GOLGA3: variants seen among roughly 807,000 people sequenced by gnomAD.
GOLGA3 encodes golgin A3.
Under a neutral mutation model 169.4 loss-of-function variants are expected in GOLGA3, and 75 were observed. The ratio of observed to expected loss-of-function variants is 0.44; its 90% CI spans 0.37 to 0.54. The LOEUF is 0.54. Ranked by LOEUF, GOLGA3 falls within the 20% of genes least tolerant of loss-of-function variation. The pLI is 0.00. For synonymous variants in GOLGA3, 824 were observed against 822.4 expected, an observed-to-expected ratio of 1.00 and a Z score of -0.03; for missense variants, 1,899 against 1,930.0, an observed-to-expected ratio of 0.98 and a Z score of 0.30.
intron 3 of GOLGA3, among the ~76,000 whole-genome samples, chr12:132,813,821 T>C (rs1391273420): frequency 6.7e-6 from 1 of 150,002 alleles, no homozygotes; most frequent in Non-Finnish European, 1.5e-5. Context: ...GCCTCCCAGG[T>C]TCACACCATT....
intron 7 of GOLGA3, among the ~76,000 whole-genome samples, chr12:132,803,104 T>C (rs572236401): frequency 1.3e-5 from 2 of 151,628 alleles, no homozygotes; most frequent in East Asian, 3.9e-4. Flanking sequence ...AAAAAAACAC[T>C]AGACAGTGTT....
At chr12:132,811,146 A>T (rs1199196445) in intron 4 of GOLGA3, among the ~76,000 whole-genome samples, 1 of 151,930 alleles carries the variant, frequency 6.6e-6, no homozygotes, top group African/African-American at 2.4e-5. Context: ...CCAATAAATA[A>T]CAGCACAGCC....
At chr12:132,826,268 A>G in intron 1 of GOLGA3, 12 of 1,158,256 alleles carry the variant, frequency 1.0e-5, no homozygotes, top group Non-Finnish European at 1.4e-5. Flanking sequence ...AGAAACTGGA[A>G]GAGCAGCATC....
At chr12:132,798,529 T>C (rs1948981694) in intron 8 of GOLGA3, 52 bp from the exon 9 acceptor site, 19 of 1,552,756 alleles carry the variant, frequency 1.2e-5, no homozygotes, top group East Asian at 2.2e-5. Context: ...AAGCAAGAAA[T>C]GCAGACCAGC....
rs2044888828 is a variant in GOLGA3 at position 132,771,336 on chromosome 12, ACCT to A, written c.*1766_*1768del. The stretch of plus-strand genomic sequence containing the variant: ...CATCTGGCCTGGCCAGTGACTCAGA[ACCT>A]CATTTCAGACCAGTACATCTGCAGA... On this transcript the variant is annotated 3_prime_UTR_variant, in exon 24 of 24. Transcript: ENST00000450791. The A allele has an allele frequency of 6.6e-6, 1 of 152,566 alleles. No individual in the cohort carries two copies. Among genetic ancestry groups the A allele is most frequent in the Non-Finnish European group, 1.5e-5 (1 of 68,056 alleles). 9.5% of individuals were successfully genotyped at this position (152,566 alleles called of 1,614,324 possible).
At chr12:132,784,738 C>T (rs774485668) in intron 15 of GOLGA3, among the ~76,000 whole-genome samples, 2 of 149,228 alleles carry the variant, frequency 1.3e-5, no homozygotes, top group South Asian at 2.1e-4. Context: ...TCACACCCCA[C>T]ACGCACATGC....
intron 8 of GOLGA3, among the ~76,000 whole-genome samples, chr12:132,799,717 C>A (rs1231929681): frequency 1.3e-5 from 2 of 152,122 alleles, no homozygotes; most frequent in South Asian, 4.1e-4. Context: ...CCAGGCTACA[C>A]CACCATACTT....
At position 132,786,755 on chromosome 12, in the gene GOLGA3, C is replaced by A. The variant is rs369331427; in HGVS notation, c.2844G>T (p.Ala948=). 5 of 1,613,332 alleles carry A rather than the reference C, an allele frequency of 3.1e-6. No individual in the cohort carries two copies. In the Admixed American group the frequency reaches 8.3e-5, roughly 27 times the overall value. ...SLQFDKEQMV[A]VTEANEALKK... ...TCAGCGCCTCATTGGCCTCTGTGAC[C>A]GCGACCATCTGCTCCTTATCGAACT... The change falls in exon 14 of 24, where the codon GCG becomes GCT. Residue 948 remains alanine, a synonymous_variant. Transcript: ENST00000450791.
chr12:132,798,007 A>G (rs1948941227), intron 9 of GOLGA3, among the ~76,000 whole-genome samples: 1 of 152,152 alleles, frequency 6.6e-6, no homozygotes, highest in South Asian at 2.1e-4. Flanking sequence ...ACTGGCAATG[A>G]CTGACAGCCG....
chr12:132,808,580 A>T (rs979365795), intron 4 of GOLGA3, 31 bp from the exon 5 acceptor site: 1 of 1,526,028 alleles, frequency 6.6e-7, no homozygotes, highest in African/African-American at 1.4e-5. Context: ...CAAAAATTAC[A>T]TTTAAAATCC....
At chr12:132,789,791 T>TCAGAAATAAAATACAGCAGGCCGGGCGC (rs59943769) in intron 12 of GOLGA3, among the ~76,000 whole-genome samples, 154 of 152,150 alleles carry the variant, frequency 1.0e-3, no homozygotes, top group South Asian at 2.1e-3. Context: ...CCCAGCACTC[T>TCAGAAATAAAATACAGCAGGCCGGGCGC]GGGAGCCCGA....
intron 11 of GOLGA3, among the ~76,000 whole-genome samples, chr12:132,794,208 A>G (rs1948704355): frequency 6.6e-6 from 1 of 152,068 alleles, no homozygotes; most frequent in African/African-American, 2.4e-5. Flanking sequence ...CTGTGTCTAG[A>G]TGCCTAGGGA....
At chr12:132,812,804 C>T (rs1349235060) in intron 4 of GOLGA3, among the ~76,000 whole-genome samples, 1 of 152,208 alleles carries the variant, frequency 6.6e-6, no homozygotes, top group Non-Finnish European at 1.5e-5. Context: ...TAAGAAATTA[C>T]CACAGCCCAA....
chr12:132,781,214 TGCCCTCCACC>T (rs2045587584), intron 17 of GOLGA3, among the ~76,000 whole-genome samples: 3 of 71,142 alleles, frequency 4.2e-5, no homozygotes, highest in South Asian at 6.3e-4. Context: ...ACCACCGCAG[TGCCCTCCACC>T]GCACTGCCCT....
intron 4 of GOLGA3, among the ~76,000 whole-genome samples, chr12:132,812,837 T>C (rs952041449): frequency 2.0e-5 from 3 of 152,246 alleles, no homozygotes; most frequent in African/African-American, 4.8e-5. Context: ...ACCACCCTGA[T>C]GAGTCAGCAG....
chr12:132,791,199 C>A lies in GOLGA3; in HGVS notation c.2547+17G>T. 1.4e-6 allele frequency: 2 copies of A among 1,480,080 alleles called. No homozygotes were observed. The highest frequency in any genetic ancestry group is 1.4e-5 in the African/African-American group (1 of 71,924). 91.7% of individuals were successfully genotyped at this position (1,480,080 alleles called of 1,614,324 possible). A position where few individuals can be genotyped will look rare whatever the true frequency, so the allele number is the denominator to read the frequency against. On this transcript the variant is annotated intron_variant, in intron 12 of 23. Transcript: ENST00000450791. ...ATATGCTTGTTTCAAGTGAAGAAAT[C>A]AACAACAGATTTTTACCTTTTGTTG...
chr12:132,812,194 C>CACAA (rs1555262609), intron 4 of GOLGA3, among the ~76,000 whole-genome samples: 4 of 113,718 alleles, frequency 3.5e-5, no homozygotes, highest in Admixed American at 1.8e-4. Context: ...TCTCAAAATA[C>CACAA]ACACACACAC....
At chr12:132,791,370 G>C (rs2046223262) in intron 11 of GOLGA3, 77 bp from the exon 12 acceptor site, 1 of 763,850 alleles carries the variant, frequency 1.3e-6, no homozygotes, top group Non-Finnish European at 2.2e-6. Flanking sequence ...TTACACTGAA[G>C]CCTCCAGGAG....
intron 15 of GOLGA3, among the ~76,000 whole-genome samples, chr12:132,786,087 A>G (rs957470817): frequency 6.6e-6 from 1 of 152,232 alleles, no homozygotes; most frequent in Non-Finnish European, 1.5e-5. Flanking sequence ...CTCTGAGCCA[A>G]GGAGATTTCT....
Sources: allele counts gnomAD v4.1 joint callset (sites outside exome capture counted in the v4.1 genomes callset), GRCh38; gene constraint gnomAD v4.1.1; transcripts MANE v1.5; gene names NCBI Gene and HGNC (gene_info 2026-07-23, HGNC 2026-07-21).